ECPAS: variants seen among roughly 807,000 people sequenced by gnomAD.
ECPAS encodes proteasome adapter and scaffold protein ECM29.
In ECPAS, 70 loss-of-function variants were observed where a neutral mutation model predicts 255.1. That is an observed-to-expected ratio of 0.27 (90% confidence interval 0.23 to 0.33). The LOEUF (loss-of-function observed/expected upper bound fraction) is 0.33, where lower values mean the gene tolerates loss of function less well. ECPAS is among the 10% of genes least tolerant of loss of function. The probability of loss-of-function intolerance (pLI) is 1.00; values close to 1 mark genes in which losing one functional copy is unlikely to be tolerated. For synonymous variants in ECPAS, 784 were observed against 775.0 expected (o/e 1.01, Z -0.19); for missense variants, 1,817 against 2,206.4 (o/e 0.82, Z 3.54).
intron 42 of ECPAS, 94 bp downstream of exon 42, chr9:111,372,335 G>T: frequency 8.6e-7 from 1 of 1,168,602 alleles, no homozygotes; most frequent in Non-Finnish European, 1.2e-6. Context: ...TCCTGGGAAA[G>T]TAACTTCAGA....
At chr9:111,441,067 G>C (rs1321180365) in intron 5 of ECPAS, among the ~76,000 whole-genome samples, 1 of 151,738 alleles carries the variant, frequency 6.6e-6, no homozygotes, top group Non-Finnish European at 1.5e-5. Flanking sequence ...CAGGAGAATG[G>C]AGTGAACCCG....
At chr9:111,370,250 C>T (rs1167696174) in intron 45 of ECPAS, among the ~76,000 whole-genome samples, 185 bp downstream of exon 45, 4 of 152,248 alleles carry the variant, frequency 2.6e-5, no homozygotes, top group African/African-American at 9.6e-5. Context: ...TACCTGAACA[C>T]TTTGTGATGC....
At position 111,392,818 on chromosome 9, in the gene ECPAS, A is replaced by T. The variant is rs772352366; in HGVS notation, c.3042T>A (p.Asp1014Glu). ...CAAGTGTAGAAACCAATTCCTGTTG[A>T]TCTTGTTCATTGCCTAGTTCATAAA... ...GLVYELGNEQ[D>E]QQELVSTLVE... Residue 1014 changes from aspartate to glutamate, a missense_variant, in exon 28 of 50, where the codon GAT becomes GAA. By Grantham distance (45) the Asp-to-Glu change is conservative. Coordinates refer to ENST00000684092, the MANE Select transcript of ECPAS (RefSeq NM_001364929.1). 1 of 1,613,726 alleles carries T rather than the reference A, an allele frequency of 6.2e-7. No homozygotes were observed. Among genetic ancestry groups the T allele is most frequent in the Admixed American group, 1.7e-5 (1 of 60,004 alleles).
chr9:111,484,173 G>A lies in ECPAS; in HGVS notation c.-140C>T, dbSNP rs1390674196. The stretch of plus-strand genomic sequence containing the variant: ...CTGCGCTCGGCGCCGCGAGGTGAGG[G>A]CTGTAGAGCGAGGCGTTCGGCGGGC... On this transcript the variant is annotated 5_prime_UTR_variant, in exon 1 of 50. Transcript: ENST00000684092. 2.7e-6 allele frequency: 4 copies of A among 1,483,940 alleles called. No homozygotes were observed. The East Asian group carries it at 8.7e-5, about 32-fold the overall frequency. 91.9% of individuals were successfully genotyped at this position (1,483,940 alleles called of 1,614,324 possible).
chr9:111,364,734 C>A (rs900994865), intron 48 of ECPAS, among the ~76,000 whole-genome samples: 11 of 152,162 alleles, frequency 7.2e-5, no homozygotes, highest in African/African-American at 2.7e-4. Flanking sequence ...ACTGATAGTA[C>A]CTTGACCAGG....
intron 32 of ECPAS, among the ~76,000 whole-genome samples, chr9:111,385,678 C>T (rs530004922): frequency 6.6e-6 from 1 of 152,278 alleles, no homozygotes; most frequent in East Asian, 1.9e-4. Flanking sequence ...GATGACACAT[C>T]GTTTTTTATT....
At chr9:111,427,351 T>C (rs960057333) in intron 10 of ECPAS, among the ~76,000 whole-genome samples, 1 of 152,168 alleles carries the variant, frequency 6.6e-6, no homozygotes, top group Non-Finnish European at 1.5e-5. Flanking sequence ...TGCCTTCAAG[T>C]GAGCTTTCAG....
chr9:111,439,515 C>T (rs929466246), intron 6 of ECPAS, among the ~76,000 whole-genome samples: 11 of 152,110 alleles, frequency 7.2e-5, no homozygotes, highest in Admixed American at 2.6e-4. Context: ...GGGATCTGTT[C>T]GGCCCCCCCT....
At chr9:111,368,089 T>C (rs1412632113) in intron 46 of ECPAS, among the ~76,000 whole-genome samples, 1 of 151,170 alleles carries the variant, frequency 6.6e-6, no homozygotes, top group Non-Finnish European at 1.5e-5. Flanking sequence ...CAGGATGCAC[T>C]GTAGGACCCA....
At chr9:111,383,177 A>G in intron 35 of ECPAS, 34 bp downstream of exon 35, 3 of 1,609,600 alleles carry the variant, frequency 1.9e-6, no homozygotes, top group Non-Finnish European at 2.6e-6. Context: ...AACTGAGCAA[A>G]TCCAATACAT....
At chr9:111,398,127 A>T (rs770103017) in intron 24 of ECPAS, among the ~76,000 whole-genome samples, 9 of 152,202 alleles carry the variant, frequency 5.9e-5, no homozygotes, top group Non-Finnish European at 1.3e-4. Flanking sequence ...GCACAAAGAC[A>T]ACAGCTGAGA....
intron 10 of ECPAS, 98 bp from the exon 11 acceptor site, chr9:111,425,926 C>G (rs2131819548): frequency 1.7e-6 from 1 of 599,194 alleles, no homozygotes; most frequent in South Asian, 2.5e-5. Context: ...TTTCATACTA[C>G]ATCTCGTTCT....
intron 29 of ECPAS, among the ~76,000 whole-genome samples, chr9:111,390,498 G>A (rs549165818): frequency 6.6e-6 from 1 of 152,330 alleles, no homozygotes; most frequent in Admixed American, 6.5e-5. Context: ...AATTCTGATT[G>A]AGTCTTGTTA....
At chr9:111,468,628 T>TGTGA (rs375507577) in intron 2 of ECPAS, among the ~76,000 whole-genome samples, 23 of 140,050 alleles carry the variant, frequency 1.6e-4, no homozygotes, top group Non-Finnish European at 2.5e-4. Context: ...AGAGAGTGAG[T>TGTGA]GAGAGAGAGA....
At chr9:111,385,214 G>A (rs2098146249) in intron 33 of ECPAS, 123 bp downstream of exon 33, 1 of 601,332 alleles carries the variant, frequency 1.7e-6, no homozygotes, top group Admixed American at 3.3e-5. Context: ...CTGAAACTTT[G>A]GGGGAAAACG....
At chr9:111,477,172 G>C (rs1189643878) in intron 1 of ECPAS, among the ~76,000 whole-genome samples, 6 of 151,130 alleles carry the variant, frequency 4.0e-5, no homozygotes, top group African/African-American at 1.5e-4. Flanking sequence ...GCAGTGGTGC[G>C]TTCTCAGCTC....
intron 3 of ECPAS, among the ~76,000 whole-genome samples, chr9:111,444,862 C>G (rs2098250713): frequency 6.6e-6 from 1 of 152,172 alleles, no homozygotes; most frequent in Non-Finnish European, 1.5e-5. Flanking sequence ...AGGCGCGTGC[C>G]AGCATGCCCG....
At chr9:111,368,926 A>G in intron 46 of ECPAS, 109 bp downstream of exon 46, 1 of 1,076,982 alleles carries the variant, frequency 9.3e-7, no homozygotes, top group East Asian at 2.7e-5. Context: ...ATTATTAATC[A>G]ATCAGGCTCG....
chr9:111,418,083 A>C, intron 16 of ECPAS, 77 bp from the exon 17 acceptor site: 1 of 1,345,424 alleles, frequency 7.4e-7, no homozygotes, highest in Non-Finnish European at 9.9e-7. Context: ...TAAGAACAGC[A>C]ATTTTATTTG....
Sources: allele counts gnomAD v4.1 joint callset (sites outside exome capture counted in the v4.1 genomes callset), GRCh38; gene constraint gnomAD v4.1.1; transcripts MANE v1.5; gene names NCBI Gene and HGNC (gene_info 2026-07-23, HGNC 2026-07-21).